E2F3: variants seen among roughly 807,000 people sequenced by gnomAD.
E2F3 encodes the protein E2F transcription factor 3.
E2F3 carries 11 observed loss-of-function variants against 44.4 expected under a neutral mutation model. The observed-to-expected ratio is 0.25, with a 90% CI of 0.16 to 0.41. E2F3 has a LOEUF of 0.41. Ranked by LOEUF, E2F3 falls within the 10% of genes least tolerant of loss-of-function variation. The probability of loss-of-function intolerance (pLI) is 1.00; values close to 1 mark genes in which losing one functional copy is unlikely to be tolerated. For missense variants in E2F3, 487 were observed against 583.6 expected (o/e 0.83, Z 1.70); for synonymous variants, 249 against 253.0 (o/e 0.98, Z 0.15).
At chr6:20,476,162 G>A (rs566992001) in intron 1 of E2F3, among the ~76,000 whole-genome samples, 1 of 152,188 alleles carries the variant, frequency 6.6e-6, no homozygotes, top group Non-Finnish European at 1.5e-5. Context: ...ACGAGGTCAG[G>A]AGATCAAGAA....
rs543337568 is a variant in E2F3 at position 20,466,107 on chromosome 6, T to A, written c.394-13739T>A. 6.0e-5 allele frequency among the ~76,000 whole-genome samples: 9 copies of A among 150,584 alleles called. No individual in the cohort carries two copies. In the South Asian group the frequency reaches 1.9e-3, roughly 32 times the overall value. ...CCTGTTCACATCCACGCCAACATGT[T>A]TTTGGGGTGCGGGGCGGGGGGTGTG... On this transcript the variant is annotated intron_variant, in intron 1 of 6. Transcript: ENST00000346618.
In E2F3 at chr6:20,493,045, T is replaced by C. The variant is rs1762596188; in HGVS notation, c.*2615T>C. ...ATGAGCTGTCAAACAGTGTTAGGAG[T>C]GTGTTTATATGTACAGAGTTGTGCA... On this transcript the variant is annotated 3_prime_UTR_variant, in exon 7 of 7. Transcript: ENST00000346618. The C allele has an allele frequency of 9.2e-6, 2 of 216,336 alleles. No homozygotes were observed. Among genetic ancestry groups the C allele is most frequent in the African/African-American group, 4.5e-5 (2 of 44,394 alleles). The allele number at this position is 216,336 out of a possible 1,614,324, so 13.4% of individuals were successfully genotyped here.
intron 1 of E2F3, among the ~76,000 whole-genome samples, chr6:20,478,498 C>T (rs962379152): frequency 2.0e-5 from 3 of 152,130 alleles, no homozygotes; most frequent in South Asian, 4.1e-4. Flanking sequence ...TTTCACATCA[C>T]GGGGAGTTGT....
At position 20,493,675 on chromosome 6, in the gene E2F3, G is replaced by A. The variant is rs1201989040; in HGVS notation, c.*3245G>A. ...AATGGGTGTAATTTGAATAAATTTT[G>A]TATGGTAAAGGATCAATAAAATGAT... is the stretch of plus-strand genomic sequence containing the variant. On this transcript the variant is annotated 3_prime_UTR_variant, in exon 7 of 7. Transcript: ENST00000346618. 4 of 197,474 alleles carry A rather than the reference G, an allele frequency of 2.0e-5. No homozygotes were observed. Among genetic ancestry groups the A allele is most frequent in the Non-Finnish European group, 3.1e-5 (3 of 95,452 alleles). The allele number at this position is 197,474 out of a possible 1,614,324, so 12.2% of individuals were successfully genotyped here.
intron 1 of E2F3, among the ~76,000 whole-genome samples, chr6:20,464,159 G>A (rs150993175): frequency 2.0e-5 from 3 of 152,308 alleles, no homozygotes; most frequent in African/African-American, 7.2e-5. Flanking sequence ...TCCTTCGGGG[G>A]CTTTTATGGA....
chr6:20,447,443 C>T (rs1760985683), intron 1 of E2F3, among the ~76,000 whole-genome samples: 1 of 139,602 alleles, frequency 7.2e-6, no homozygotes, highest in African/African-American at 2.7e-5. Flanking sequence ...GAATGTAGTC[C>T]TAACCCCAAG....
At chr6:20,468,753 C>G (rs556285459) in intron 1 of E2F3, among the ~76,000 whole-genome samples, 1 of 152,314 alleles carries the variant, frequency 6.6e-6, no homozygotes, top group East Asian at 1.9e-4. Context: ...TCATTCAAAT[C>G]ATCAGCACAC....
chr6:20,431,543 C>A lies in E2F3; in HGVS notation c.393+28918C>A, dbSNP rs143334413. ...GTCAACACCCCAGGGCCACCCTCTA[C>A]CAGTGGGAATGGAAGCCAGTGGATA... On this transcript the variant is annotated intron_variant, in intron 1 of 6. Transcript: ENST00000346618. 7.2e-5 allele frequency among the ~76,000 whole-genome samples: 11 copies of A among 152,222 alleles called. No homozygotes were observed. In the East Asian group the frequency reaches 2.1e-3, roughly 29 times the overall value.
intron 1 of E2F3, among the ~76,000 whole-genome samples, chr6:20,471,732 A>T (rs1361330686): frequency 6.6e-6 from 1 of 152,216 alleles, no homozygotes; most frequent in African/African-American, 2.4e-5. Flanking sequence ...TATGGTAATA[A>T]TGTATATGTA....
chr6:20,483,773 A>G (rs1028822901), intron 4 of E2F3, among the ~76,000 whole-genome samples: 3 of 152,240 alleles, frequency 2.0e-5, no homozygotes, highest in African/African-American at 7.2e-5. Context: ...CTCTAGTTTT[A>G]GTTCCAAACT....
intron 1 of E2F3, among the ~76,000 whole-genome samples, chr6:20,470,331 CT>C (rs1385062358): frequency 1.3e-5 from 2 of 152,216 alleles, no homozygotes; most frequent in African/African-American, 4.8e-5. Context: ...ACCATGTTGC[CT>C]TTATAATCAT....
intron 1 of E2F3, among the ~76,000 whole-genome samples, chr6:20,414,422 A>G (rs1381365552): frequency 6.6e-6 from 1 of 152,170 alleles, no homozygotes; most frequent in Non-Finnish European, 1.5e-5. Context: ...CATGTCCTGA[A>G]CCAAGATAGC....
chr6:20,441,644 G>A (rs1760775965), intron 1 of E2F3, among the ~76,000 whole-genome samples: 1 of 151,608 alleles, frequency 6.6e-6, no homozygotes, highest in African/African-American at 2.4e-5. Flanking sequence ...GCATGACCTT[G>A]GCTCACTACA....
chr6:20,469,726 C>T (rs957706492), intron 1 of E2F3, among the ~76,000 whole-genome samples: 2 of 152,062 alleles, frequency 1.3e-5, no homozygotes, highest in African/African-American at 4.8e-5. Context: ...CTTTGGAGTC[C>T]ATTCTAGTAA....
At chr6:20,466,498 A>T (rs1761715202) in intron 1 of E2F3, among the ~76,000 whole-genome samples, 1 of 152,156 alleles carries the variant, frequency 6.6e-6, no homozygotes, top group Middle Eastern at 3.2e-3. Context: ...TTCCCTGATC[A>T]TTAGTGATGC....
intron 1 of E2F3, chr6:20,403,753 C>G: frequency 5.4e-6 from 8 of 1,485,424 alleles, no homozygotes; most frequent in Non-Finnish European, 6.2e-6. Flanking sequence ...GTCTGTTCGG[C>G]CCTCCGGGCC....
intron 1 of E2F3, among the ~76,000 whole-genome samples, chr6:20,462,847 T>TTC (rs1561873210): frequency 3.8e-4 from 55 of 144,380 alleles, no homozygotes; most frequent in Middle Eastern, 3.5e-3. Context: ...TTTGTTCTCT[T>TTC]TCTCTCTCTC....
intron 1 of E2F3, among the ~76,000 whole-genome samples, chr6:20,421,383 A>G (rs1760023006): frequency 6.6e-6 from 1 of 152,202 alleles, no homozygotes; most frequent in Non-Finnish European, 1.5e-5. Context: ...ACCTTACAAA[A>G]TGTACTTCTT....
At chr6:20,428,167 G>A (rs1194824293) in intron 1 of E2F3, among the ~76,000 whole-genome samples, 2 of 152,208 alleles carry the variant, frequency 1.3e-5, no homozygotes, top group East Asian at 3.8e-4. Context: ...CTCACCAGCT[G>A]CGGGAACTCA....
Sources: allele counts gnomAD v4.1 joint callset (sites outside exome capture counted in the v4.1 genomes callset), GRCh38; gene constraint gnomAD v4.1.1; transcripts MANE v1.5; gene names NCBI Gene and HGNC (gene_info 2026-07-23, HGNC 2026-07-21).